OTOGL: variants seen among roughly 807,000 people sequenced by gnomAD.
OTOGL encodes the protein otogelin like, also known as otogelin-like protein.
OTOGL carries 285 observed loss-of-function variants against 318.5 expected under a neutral mutation model. The ratio of observed to expected loss-of-function variants is 0.89; its 90% CI spans 0.81 to 0.99. The LOEUF is 0.99. Among genes scored for constraint, OTOGL ranks in the 50% least tolerant of loss-of-function variants. OTOGL has a pLI of 0.00. For synonymous variants in OTOGL, 987 were observed against 936.5 expected, an observed-to-expected ratio of 1.05 and a Z score of -0.99; for missense variants, 2,899 against 2,845.6, an observed-to-expected ratio of 1.02 and a Z score of -0.43.
intron 1 of OTOGL, among the ~76,000 whole-genome samples, chr12:80,136,145 G>C (rs1334270559): frequency 1.3e-5 from 2 of 152,048 alleles, no homozygotes; most frequent in Non-Finnish European, 2.9e-5. Context: ...TTCTGGACTT[G>C]CTTTTTTTGT....
chr12:80,211,987 TAGC>T lies in OTOGL; in HGVS notation c.163_165del (p.Ala55del). 6.3e-7 allele frequency: 1 copy of T among 1,577,342 alleles called. No individual in the cohort carries two copies. The highest frequency in any genetic ancestry group is 8.6e-7 in the Non-Finnish European group (1 of 1,168,044). Reference sequence around the variant, plus strand: ...GAAAATCGACAGAAAAGAGCTCTTTTAGCAGCACAGGTAGGTTATGCTTCAGGT... The same window carrying T: ...GAAAATCGACAGAAAAGAGCTCTTTTAGCACAGGTAGGTTATGCTTCAGGT... On this transcript the variant is annotated inframe_deletion, in exon 4 of 59. Coordinates refer to ENST00000547103, the MANE Select transcript of OTOGL (RefSeq NM_001378609.3).
At chr12:80,237,444 A>G (rs757728161) in intron 9 of OTOGL, among the ~76,000 whole-genome samples, 21 of 152,276 alleles carry the variant, frequency 1.4e-4, no homozygotes, top group Non-Finnish European at 2.8e-4. Flanking sequence ...TCTCTGAGGC[A>G]TACATTAAAC....
At chr12:80,302,577 A>G (rs1885833663) in intron 27 of OTOGL, 57 bp from the exon 28 acceptor site, 1 of 1,082,584 alleles carries the variant, frequency 9.2e-7, no homozygotes, top group African/African-American at 1.6e-5. Flanking sequence ...CTAATTTGAT[A>G]TATTTTGGTT....
intron 1 of OTOGL, among the ~76,000 whole-genome samples, chr12:80,184,469 A>C (rs1875147627): frequency 6.6e-6 from 1 of 152,192 alleles, no homozygotes; most frequent in South Asian, 2.1e-4. Context: ...TACGTCTTAG[A>C]GATCTGGGTT....
intron 1 of OTOGL, among the ~76,000 whole-genome samples, chr12:80,160,431 T>C (rs1873431733): frequency 6.6e-6 from 1 of 152,170 alleles, no homozygotes; most frequent in South Asian, 2.1e-4. Context: ...ACTAAGGACA[T>C]GAATAAGCAA....
chr12:80,357,330 A>G (rs960902932), intron 49 of OTOGL, among the ~76,000 whole-genome samples: 3 of 152,318 alleles, frequency 2.0e-5, no homozygotes, highest in Middle Eastern at 3.4e-3. Context: ...AATGGCAGAA[A>G]GAAAGAGTGA....
intron 1 of OTOGL, among the ~76,000 whole-genome samples, chr12:80,139,691 C>T (rs1871803463): frequency 6.6e-6 from 1 of 151,954 alleles, no homozygotes; most frequent in African/African-American, 2.4e-5. Context: ...TTTTGAATTC[C>T]CACTGTGCTT....
intron 1 of OTOGL, chr12:80,130,877 C>T (rs142509987): frequency 6.6e-6 from 1 of 152,272 alleles, no homozygotes; most frequent in African/African-American, 2.4e-5. Context: ...ATGAGTTCAA[C>T]CTTTCTTTTA....
chr12:80,253,074 A>G (rs888658830), intron 13 of OTOGL, among the ~76,000 whole-genome samples: 2 of 152,316 alleles, frequency 1.3e-5, no homozygotes, highest in Middle Eastern at 3.4e-3. Context: ...GAGTAGCAGT[A>G]CCTAGCTCTT....
At chr12:80,216,002 A>G (rs1490820924) in intron 4 of OTOGL, among the ~76,000 whole-genome samples, 1 of 152,186 alleles carries the variant, frequency 6.6e-6, no homozygotes, top group African/African-American at 2.4e-5. Flanking sequence ...AAATCTTCAA[A>G]TAGTGAGAGA....
chr12:80,372,124 A>G, intron 57 of OTOGL, 60 bp downstream of exon 57: 1 of 1,190,796 alleles, frequency 8.4e-7, no homozygotes, highest in South Asian at 2.1e-5. Context: ...GCTCATAGTG[A>G]TTATGGTTTT....
intron 29 of OTOGL, among the ~76,000 whole-genome samples, chr12:80,308,890 A>C (rs908423954): frequency 6.6e-6 from 1 of 152,104 alleles, no homozygotes; most frequent in African/African-American, 2.4e-5. Flanking sequence ...TCAGGCAGGG[A>C]GGTTGCAGTG....
chr12:80,303,434 C>T (rs1174269205), intron 28 of OTOGL, among the ~76,000 whole-genome samples: 3 of 152,152 alleles, frequency 2.0e-5, no homozygotes, highest in East Asian at 3.9e-4. Flanking sequence ...GGATTACAGG[C>T]GTGAGCCATT....
chr12:80,117,690 C>G (rs1297809274), intron 1 of OTOGL, among the ~76,000 whole-genome samples: 1 of 152,160 alleles, frequency 6.6e-6, no homozygotes, highest in African/African-American at 2.4e-5. Flanking sequence ...TATGTACGAC[C>G]TAGAAGAATC....
intron 1 of OTOGL, among the ~76,000 whole-genome samples, chr12:80,148,691 G>C (rs11834641): frequency 0.065 from 9,866 of 152,108 alleles, 1,004 homozygotes; most frequent in African/African-American, 0.22. Context: ...TCAGGTACAC[G>C]AATCAGATGT....
intron 1 of OTOGL, among the ~76,000 whole-genome samples, chr12:80,105,323 G>A (rs1406436651): frequency 6.6e-6 from 1 of 152,046 alleles, no homozygotes; most frequent in African/African-American, 2.4e-5. Context: ...TGGGTAGAAG[G>A]GAACCTATGG....
intron 54 of OTOGL, 61 bp downstream of exon 54, chr12:80,367,800 T>C (rs1566019945): frequency 7.6e-6 from 9 of 1,186,338 alleles, no homozygotes; most frequent in African/African-American, 1.6e-5. Context: ...GGCAGAGTTA[T>C]AGAATTTGAA....
Position 80,355,912 on chromosome 12 carries a change from A to T in OTOGL, c.5770A>T (p.Ile1924Phe), listed in dbSNP as rs1267797910. 6.2e-6 allele frequency: 10 copies of T among 1,613,960 alleles called. No individual in the cohort carries two copies. In the East Asian group the frequency reaches 2.0e-4, roughly 32 times the overall value. Residue 1924 changes from isoleucine (I) to phenylalanine (F), a missense_variant, in exon 47 of 59, where the codon ATT (isoleucine) becomes TTT (phenylalanine). Transcript: ENST00000547103. ...EREAEVVMGI[I>F]DKWTCCSKEV... The stretch of plus-strand genomic sequence containing the variant: ...AGAAGCTGAAGTTGTCATGGGCATC[A>T]TTGATAAATGGACCTGCTGTTCAAA...
chr12:80,264,047 C>A (rs1232469113), intron 19 of OTOGL, among the ~76,000 whole-genome samples: 1 of 151,910 alleles, frequency 6.6e-6, no homozygotes, highest in Admixed American at 6.6e-5. Context: ...GTAATATACT[C>A]AACAAAATAA....
Sources: allele counts gnomAD v4.1 joint callset (sites outside exome capture counted in the v4.1 genomes callset), GRCh38; gene constraint gnomAD v4.1.1; transcripts MANE v1.5; gene names NCBI Gene and HGNC (gene_info 2026-07-23, HGNC 2026-07-21).